The following TGFBR3 variants were observed in gnomAD, a reference collection of about 807,000 sequenced individuals.
TGFBR3 encodes transforming growth factor beta receptor type 3.
In TGFBR3, 46 loss-of-function variants were observed where a neutral mutation model predicts 87.9. That is an observed-to-expected ratio of 0.52 (90% CI 0.41 to 0.67). The LOEUF is 0.67. Ranked by LOEUF, TGFBR3 falls within the 30% of genes least tolerant of loss-of-function variation. TGFBR3 has a pLI of 0.00. For missense variants in TGFBR3, 866 were observed against 1,041.9 expected (o/e 0.83, Z 2.32); for synonymous variants, 381 against 391.6 (o/e 0.97, Z 0.32).
intron 3 of TGFBR3, among the ~76,000 whole-genome samples, 183 bp downstream of exon 3, chr1:91,797,104 T>A (rs756737107): frequency 2.6e-5 from 4 of 152,188 alleles, no homozygotes; most frequent in Non-Finnish European, 5.9e-5. Flanking sequence ...CCAACCAATC[T>A]CTAGACAGAG....
chr1:91,897,664 C>T (rs993719197), intron 2 of TGFBR3, among the ~76,000 whole-genome samples: 1 of 152,170 alleles, frequency 6.6e-6, no homozygotes, highest in African/African-American at 2.4e-5. Flanking sequence ...GGATTGCTTA[C>T]GTTTTGTTCC....
Position 91,691,481 on chromosome 1 carries a change from G to A in TGFBR3, c.2437+4191C>T, listed in dbSNP as rs148481033. 1.7e-3 allele frequency among the ~76,000 whole-genome samples: 258 copies of A among 152,272 alleles called. 1 individual carries two copies. The highest frequency in any genetic ancestry group is 2.9e-3 in the Non-Finnish European group (198 of 68,010). The stretch of plus-strand genomic sequence containing the variant: ...CAATGAGGAGGGCTTTCAAAAGTCC[G>A]AAGGAAAAAGTGTCTATAATCTAAC... On this transcript the variant is annotated intron_variant, in intron 16 of 16. Transcript: ENST00000212355.
chr1:91,772,841 AT>A lies in TGFBR3; in HGVS notation c.247-14092del, dbSNP rs1265066003. Among the ~76,000 whole-genome samples the A allele has an allele frequency of 6.1e-4, 93 of 152,316 alleles. 1 individual carries two copies. Among genetic ancestry groups the A allele is most frequent in the African/African-American group, 2.1e-3 (89 of 41,576 alleles). ...GCATCTTCAGTACACATTTCAGACA[AT>A]TTTAGGTCAGAATCTCTCTCATTCT... On this transcript the variant is annotated intron_variant, in intron 3 of 16. Transcript: ENST00000212355.
chr1:91,843,925 G>T (rs1677381879), intron 2 of TGFBR3, among the ~76,000 whole-genome samples: 1 of 152,080 alleles, frequency 6.6e-6, no homozygotes. Flanking sequence ...ACATTCAGAG[G>T]GTAAAATCTC....
At chr1:91,748,456 A>C (rs1673421831) in intron 4 of TGFBR3, among the ~76,000 whole-genome samples, 1 of 152,212 alleles carries the variant, frequency 6.6e-6, no homozygotes, top group Non-Finnish European at 1.5e-5. Context: ...ACAGTTTTAA[A>C]ATCTTTATTC....
At chr1:91,824,031 G>GGTACCAGTGACC in intron 2 of TGFBR3, among the ~76,000 whole-genome samples, 1 of 152,298 alleles carries the variant, frequency 6.6e-6, no homozygotes, top group South Asian at 2.1e-4. Flanking sequence ...TCAGAAGGCT[G>GGTACCAGTGACC]AGGTAGGAGG....
chr1:91,815,966 G>A (rs1026187137), intron 2 of TGFBR3, among the ~76,000 whole-genome samples: 6 of 152,164 alleles, frequency 3.9e-5, no homozygotes, highest in African/African-American at 1.2e-4. Context: ...ATGAAACGGG[G>A]GCTTTAGAAG....
At chr1:91,852,755 G>C (rs1237885464) in intron 2 of TGFBR3, among the ~76,000 whole-genome samples, 1 of 152,086 alleles carries the variant, frequency 6.6e-6, no homozygotes, top group Non-Finnish European at 1.5e-5. Context: ...GCAGTTATTT[G>C]CTCTTTAAAA....
intron 3 of TGFBR3, among the ~76,000 whole-genome samples, chr1:91,786,943 T>G (rs963295617): frequency 1.6e-4 from 24 of 152,124 alleles, no homozygotes; most frequent in African/African-American, 5.8e-4. Context: ...TAGCTAGCAG[T>G]TGACTGTACC....
intron 2 of TGFBR3, among the ~76,000 whole-genome samples, chr1:91,803,334 G>A (rs1675709836): frequency 6.6e-6 from 1 of 152,230 alleles, no homozygotes; most frequent in African/African-American, 2.4e-5. Flanking sequence ...CCCGCTAGCA[G>A]CTGGCAGCTT....
chr1:91,812,283 T>A (rs1676058884), intron 2 of TGFBR3, among the ~76,000 whole-genome samples: 1 of 152,196 alleles, frequency 6.6e-6, no homozygotes, highest in South Asian at 2.1e-4. Context: ...AGAACCACCT[T>A]TCCGCCACAC....
intron 1 of TGFBR3, among the ~76,000 whole-genome samples, chr1:91,877,638 A>G (rs1454376338): frequency 6.6e-6 from 1 of 152,246 alleles, no homozygotes; most frequent in Admixed American, 6.5e-5. Flanking sequence ...CACAAATTGA[A>G]AAAAGATATA....
intron 15 of TGFBR3, among the ~76,000 whole-genome samples, chr1:91,695,987 T>C (rs1671424247): frequency 6.6e-6 from 1 of 152,254 alleles, no homozygotes; most frequent in Non-Finnish European, 1.5e-5. Flanking sequence ...TTCCAAAGTA[T>C]TCTCAGTTTG....
At chr1:91,760,049 C>T (rs758328534) in intron 3 of TGFBR3, among the ~76,000 whole-genome samples, 4 of 152,196 alleles carry the variant, frequency 2.6e-5, no homozygotes, top group Non-Finnish European at 2.9e-5. Flanking sequence ...CATTATCTTT[C>T]AAAACCCAGG....
intron 5 of TGFBR3, among the ~76,000 whole-genome samples, chr1:91,734,256 C>A (rs1025758516): frequency 1.3e-5 from 2 of 152,142 alleles, no homozygotes; most frequent in African/African-American, 4.8e-5. Flanking sequence ...AATAATTTGT[C>A]CTTGTAATAG....
chr1:91,745,576 A>G (rs1243896262), intron 4 of TGFBR3, among the ~76,000 whole-genome samples: 3 of 152,232 alleles, frequency 2.0e-5, no homozygotes. Flanking sequence ...TCCAGCAAAA[A>G]CAAACATACT....
At chr1:91,824,152 A>G (rs568344946) in intron 2 of TGFBR3, among the ~76,000 whole-genome samples, 2 of 152,282 alleles carry the variant, frequency 1.3e-5, no homozygotes, top group Admixed American at 1.3e-4. Flanking sequence ...ATAAATAAAT[A>G]AAGTGTACAT....
At chr1:91,758,777 A>T (rs1422434605) in intron 3 of TGFBR3, 27 bp from the exon 4 acceptor site, 8 of 1,613,500 alleles carry the variant, frequency 5.0e-6, no homozygotes, top group Admixed American at 1.7e-5. Context: ...AGAGGGCAGA[A>T]ATCTTAGCCC....
At chr1:91,847,328 G>A (rs1677539963) in intron 2 of TGFBR3, among the ~76,000 whole-genome samples, 1 of 152,072 alleles carries the variant, frequency 6.6e-6, no homozygotes, top group Non-Finnish European at 1.5e-5. Flanking sequence ...GTAGGGCCGG[G>A]CGCGGTGGCT....
Sources: gnomAD v4.1 joint callset for allele counts (sites outside exome capture counted in the v4.1 genomes callset) on GRCh38, gnomAD v4.1.1 for gene constraint, MANE v1.5 for transcripts, NCBI Gene and HGNC (gene_info 2026-07-23, HGNC 2026-07-21) for gene names.